The following NOP56 variants were observed in gnomAD, a reference collection of about 807,000 sequenced individuals.
NOP56 encodes NOP56 ribonucleoprotein, also known as nucleolar protein 56.
NOP56 carries 31 observed loss-of-function variants against 58.3 expected under a neutral mutation model. The observed-to-expected ratio is 0.53, with a 90% CI of 0.40 to 0.72. The LOEUF (loss-of-function observed/expected upper bound fraction) is 0.72, where lower values mean the gene tolerates loss of function less well. Among genes scored for constraint, NOP56 ranks in the 30% least tolerant of loss-of-function variants. The pLI is 0.00. For synonymous variants in NOP56, 313 were observed against 282.8 expected, an observed-to-expected ratio of 1.11 and a Z score of -1.07; for missense variants, 669 against 739.9, an observed-to-expected ratio of 0.90 and a Z score of 1.11.
intron 8 of NOP56, 121 bp from the exon 9 acceptor site, chr20:2,656,280 G>A: frequency 6.2e-7 from 1 of 1,605,228 alleles, no homozygotes. Flanking sequence ...TTGGGGTAGA[G>A]ATCCAATCTG....
At chr20:2,654,234 A>C (rs1459063117) in intron 3 of NOP56, 180 bp from the exon 4 acceptor site, 1 of 788,064 alleles carries the variant, frequency 1.3e-6, no homozygotes, top group South Asian at 1.3e-5. Flanking sequence ...CTTGCGAATC[A>C]AATCTGTCAA....
At chr20:2,655,197 A>C (rs1293798376) in intron 5 of NOP56, 128 bp from the exon 6 acceptor site, 1 of 1,267,180 alleles carries the variant, frequency 7.9e-7, no homozygotes, top group Non-Finnish European at 1.2e-6. Context: ...GGGGGAACAT[A>C]GAATTGAGGA....
rs142784900 is a variant in NOP56, at chr20:2,654,342, G to T, written c.209-72G>T. On this transcript the variant is annotated intron_variant, in intron 3 of 11. Transcript: ENST00000329276. ...TCCCAGCGTGCTCGGTGGGACCAGG[G>T]TAGTCAGCTGAGGGATGTTAGAGTT... The T allele has an allele frequency of 2.1e-4, 320 of 1,548,090 alleles. 2 individuals carry two copies. The East Asian group carries it at 5.5e-3, about 27-fold the overall frequency.
Position 2,657,065 on chromosome 20 carries a change from ACTTTT to A in NOP56, c.1282-11_1282-7del. On this transcript the variant is annotated splice_polypyrimidine_tract_variant and intron_variant, in intron 10 of 11. Transcript: ENST00000329276. ...CCAGAAGTCTTCAGGCCCTTTTAGC[ACTTTT>A]CTTTGACCAGGCAGAGGAAGCGGCT... 4 of 1,614,068 alleles carry A rather than the reference ACTTTT, an allele frequency of 2.5e-6. No individual in the cohort carries two copies. Among genetic ancestry groups the A allele is most frequent in the East Asian group, 2.2e-5 (1 of 44,878 alleles).
rs771653877 is a variant in NOP56, at chr20:2,655,689, C to T, written c.852C>T (p.Tyr284=). The part of the protein sequence containing the change: ...LSEYRQSLHT[Y]LRSKMSQVAP... ...AATACCGCCAGAGCCTACACACTTA[C>T]CTGCGCTCCAAGATGAGCCAAGTAG... is the stretch of plus-strand genomic sequence containing the variant. Residue 284 remains tyrosine, a synonymous_variant, in exon 7 of 12, where the codon TAC becomes TAT. Coordinates refer to ENST00000329276, the MANE Select transcript of NOP56 (RefSeq NM_006392.4). 2 of 1,614,194 alleles carry T rather than the reference C, an allele frequency of 1.2e-6. No individual in the cohort carries two copies. The highest frequency in any genetic ancestry group is 2.2e-5 in the East Asian group (1 of 44,884).
chr20:2,655,401 T>A lies in NOP56; in HGVS notation c.646T>A (p.Phe216Ile), dbSNP rs747454852. ...DNATYCRLAQ[F>I]IGNRRELNED... is the part of the protein sequence containing the mutation. ...TGCCACATACTGCCGTCTTGCCCAGTTTATTGGAAACCGAAGGGAACTGAA... is the reference window on the plus strand; with the variant it reads ...TGCCACATACTGCCGTCTTGCCCAGATTATTGGAAACCGAAGGGAACTGAA... The change falls in exon 6 of 12, where the codon TTT (phenylalanine) becomes ATT (isoleucine). Residue 216 changes from phenylalanine (F) to isoleucine (I), a missense_variant. By Grantham distance (21) the Phe-to-Ile change is conservative. Around this residue, in one of 3 missense-constraint regions of NOP56, gnomAD observed 339 missense variants for 430.5 expected, o/e 0.79. Coordinates refer to ENST00000329276, the MANE Select transcript of NOP56 (RefSeq NM_006392.4). 4.3e-6 allele frequency: 7 copies of A among 1,613,820 alleles called. No homozygotes were observed. The African/African-American group carries it at 9.4e-5, about 22-fold the overall frequency.
intron 5 of NOP56, 98 bp downstream of exon 5, chr20:2,655,045 A>T: frequency 3.4e-6 from 5 of 1,467,992 alleles, no homozygotes; most frequent in Non-Finnish European, 4.7e-6. Flanking sequence ...GGGTAGAACC[A>T]TGTGGGCTGG....
At chr20:2,652,779 T>C in intron 1 of NOP56, 63 bp from the exon 2 acceptor site, 1 of 1,300,910 alleles carries the variant, frequency 7.7e-7, no homozygotes. Flanking sequence ...GCGCCTGCCC[T>C]GGGAACGGGT....
intron 1 of NOP56, 21 bp downstream of exon 1, chr20:2,652,684 G>A: frequency 1.5e-6 from 1 of 669,316 alleles, no homozygotes. Flanking sequence ...GTTGCGGGGC[G>A]CGGGCGACGC....
In NOP56 at chr20:2,658,039, A is replaced by G. The variant is rs1228992914; in HGVS notation, c.1530A>G (p.Lys510=). The change falls in exon 12 of 12, where the codon AAA becomes AAG. Residue 510 remains lysine, a synonymous_variant. Coordinates refer to ENST00000329276, the MANE Select transcript of NOP56 (RefSeq NM_006392.4). ...SISFSKPKKK[K]SFSKEELMSS... is the part of the protein sequence containing the mutation. ...CTTTCTCCAAACCCAAGAAAAAGAA[A>G]TCTTTTTCCAAGGAGGAGTTGATGA... The G allele has an allele frequency of 6.2e-7, 1 of 1,613,522 alleles. No homozygotes were observed. The highest frequency in any genetic ancestry group is 1.7e-5 in the Admixed American group (1 of 60,010).
At position 2,655,608 on chromosome 20, in the gene NOP56, T is replaced by C; in HGVS notation, c.771T>C (p.Ser257=). The change falls in exon 7 of 12, where the codon TCT becomes TCC. Residue 257 remains serine (S), a synonymous_variant. Transcript: ENST00000329276. ...GGTTTTTCCTAGGCATGGACATATCTGCCATTGACTTGATAAACATCGAGA... is the reference window on the plus strand; with the variant it reads ...GGTTTTTCCTAGGCATGGACATATCCGCCATTGACTTGATAAACATCGAGA... The part of the protein sequence containing the change: ...ASRSSMGMDI[S]AIDLINIESF... The C allele has an allele frequency of 1.2e-6, 2 of 1,614,192 alleles. No individual in the cohort carries two copies. The highest frequency in any genetic ancestry group is 1.1e-5 in the South Asian group (1 of 91,084).
intron 3 of NOP56, chr20:2,653,693 C>T (rs945555615): frequency 9.5e-5 from 27 of 283,956 alleles, no homozygotes; most frequent in Non-Finnish European, 6.1e-5. Context: ...AGTCTGTCCC[C>T]CAGGCTGGAG....
intron 1 of NOP56, 67 bp downstream of exon 1, chr20:2,652,730 A>AGAGAGC: frequency 7.6e-7 from 1 of 1,324,282 alleles, no homozygotes; most frequent in African/African-American, 2.3e-5. Flanking sequence ...CGGGCCGCAG[A>AGAGAGC]CAGGGCCTGG....
chr20:2,655,430 G>C lies in NOP56; in HGVS notation c.675G>C (p.Glu225Asp), dbSNP rs763834414. 3.1e-6 allele frequency: 5 copies of C among 1,614,066 alleles called. No individual in the cohort carries two copies. Among genetic ancestry groups the C allele is most frequent in the Non-Finnish European group, 4.2e-6 (5 of 1,180,032 alleles). The change falls in exon 6 of 12, where the codon GAG becomes GAC. Residue 225 changes from glutamate (E) to aspartate (D), a missense_variant. Transcript: ENST00000329276. The stretch of plus-strand genomic sequence containing the variant: ...TTGGAAACCGAAGGGAACTGAATGA[G>C]GACAAGCTGGAGAAGCTGGAGGAGC... ...QFIGNRRELN[E>D]DKLEKLEELT...
chr20:2,654,904 G>T lies in NOP56; in HGVS notation c.526G>T (p.Asp176Tyr), dbSNP rs1452445214. The change falls in exon 5 of 12, where the codon GAC becomes TAC. Residue 176 changes from aspartate to tyrosine, a missense_variant. Asp to Tyr is a radical substitution (Grantham distance 160, BLOSUM62 -3). Around this residue, in one of 3 missense-constraint regions of NOP56, gnomAD observed 339 missense variants for 430.5 expected, o/e 0.79. Coordinates refer to ENST00000329276, the MANE Select transcript of NOP56 (RefSeq NM_006392.4). The stretch of plus-strand genomic sequence containing the variant: ...GATCATCCAGTCCATTAGCCTCCTG[G>T]ACCAGCTGGATAAGGACATCAATAC... ...NMIIQSISLL[D>Y]QLDKDINTFS... is the part of the protein sequence containing the mutation. The T allele has an allele frequency of 6.2e-7, 1 of 1,614,182 alleles. No homozygotes were observed. Among genetic ancestry groups the T allele is most frequent in the Non-Finnish European group, 8.5e-7 (1 of 1,180,038 alleles).
At chr20:2,654,639 C>T in intron 4 of NOP56, 64 bp downstream of exon 4, 1 of 1,607,288 alleles carries the variant, frequency 6.2e-7, no homozygotes, top group South Asian at 1.1e-5. Context: ...GTTCTGGAAA[C>T]TTGGTTGCTT....
chr20:2,655,285 T>G, intron 5 of NOP56, 40 bp from the exon 6 acceptor site: 1 of 1,612,596 alleles, frequency 6.2e-7, no homozygotes. Context: ...TGGTTTTTGA[T>G]GAAGCAGCTG....
At chr20:2,653,035 C>CG (rs936900622) in intron 2 of NOP56, 104 bp downstream of exon 2, 14 of 1,041,552 alleles carry the variant, frequency 1.3e-5, no homozygotes, top group East Asian at 1.3e-4. Flanking sequence ...CGGTTCGGGG[C>CG]GGGGGGACGG....
At chr20:2,654,138 GTTACAAGCTATTAT>G in intron 3 of NOP56, 1 of 663,554 alleles carries the variant, frequency 1.5e-6, no homozygotes, top group East Asian at 3.1e-5. Flanking sequence ...TCGAGGGTGT[GTTACAAGCTATTAT>G]TTATTGCCCA....
Sources: allele counts gnomAD v4.1 joint callset, GRCh38; gene constraint gnomAD v4.1.1; regional missense constraint gnomAD v4.1.1; transcripts MANE v1.5; gene names NCBI Gene and HGNC (gene_info 2026-07-23, HGNC 2026-07-21).